The following SLC25A13 variants were observed in gnomAD, a reference collection of about 807,000 sequenced individuals.
SLC25A13 encodes solute carrier family 25 member 13.
A neutral mutation model predicts 85.5 loss-of-function variants in SLC25A13; 70 were observed. That is an observed-to-expected ratio of 0.82 (90% CI 0.68 to 1.00). The LOEUF is 1.00. Ranked by LOEUF, SLC25A13 falls within the 50% of genes least tolerant of loss-of-function variation. The pLI, the probability that SLC25A13 is intolerant of heterozygous loss-of-function variation, is 0.00. For missense variants in SLC25A13, 765 were observed against 819.8 expected, an observed-to-expected ratio of 0.93 and a Z score of 0.82; for synonymous variants, 259 against 288.7, an observed-to-expected ratio of 0.90 and a Z score of 1.04.
intron 9 of SLC25A13, among the ~76,000 whole-genome samples, chr7:96,186,385 C>T (rs145678453): frequency 0.026 from 3,978 of 152,134 alleles, 124 homozygotes; most frequent in African/African-American, 0.073. Flanking sequence ...GCCAAGATCG[C>T]GCCACTGCAC....
chr7:96,282,632 TTTA>T (rs1444249380), intron 2 of SLC25A13, among the ~76,000 whole-genome samples: 1 of 152,214 alleles, frequency 6.6e-6, no homozygotes, highest in African/African-American at 2.4e-5. Context: ...GGAGATTGTT[TTTA>T]TTATTTGAAG....
At chr7:96,148,564 A>C (rs981942438) in intron 13 of SLC25A13, among the ~76,000 whole-genome samples, 2 of 152,212 alleles carry the variant, frequency 1.3e-5, no homozygotes, top group African/African-American at 4.8e-5. Context: ...TTCATACGAA[A>C]ATCTTATGAA....
At chr7:96,207,447 A>G (rs1795503682) in intron 5 of SLC25A13, among the ~76,000 whole-genome samples, 1 of 152,196 alleles carries the variant, frequency 6.6e-6, no homozygotes, top group South Asian at 2.1e-4. Flanking sequence ...GGTCTGGAAC[A>G]CACGAAAAAG....
intron 11 of SLC25A13, among the ~76,000 whole-genome samples, chr7:96,182,913 C>G (rs1009604269): frequency 6.6e-6 from 1 of 152,298 alleles, no homozygotes; most frequent in Admixed American, 6.5e-5. Context: ...ACTTGAGACT[C>G]GAGATTTCCC....
chr7:96,144,426 A>AT (rs1792694057), intron 14 of SLC25A13, among the ~76,000 whole-genome samples: 1 of 152,226 alleles, frequency 6.6e-6, no homozygotes, highest in Admixed American at 6.5e-5. Flanking sequence ...AGGTTCCAGA[A>AT]GCTCAAAGCA....
chr7:96,166,784 T>C (rs1291595306), intron 13 of SLC25A13: 1 of 152,164 alleles, frequency 6.6e-6, no homozygotes, highest in Non-Finnish European at 1.5e-5. Flanking sequence ...AAGTGGCTAG[T>C]GGTAACAGAA....
chr7:96,263,028 A>G (rs1797916440), intron 3 of SLC25A13, among the ~76,000 whole-genome samples: 1 of 51,624 alleles, frequency 1.9e-5, no homozygotes, highest in African/African-American at 1.4e-4. Context: ...CCATCTAGGA[A>G]AAAAAAAAAA....
At chr7:96,179,393 A>G (rs1385577331) in intron 11 of SLC25A13, among the ~76,000 whole-genome samples, 1 of 152,184 alleles carries the variant, frequency 6.6e-6, no homozygotes, top group African/African-American at 2.4e-5. Context: ...CTACACGTCT[A>G]TCTTTTTGTC....
intron 4 of SLC25A13, 61 bp downstream of exon 4, chr7:96,234,741 A>C (rs975939758): frequency 1.5e-6 from 2 of 1,328,054 alleles, no homozygotes; most frequent in Non-Finnish European, 2.1e-6. Context: ...AGAAAAAAAA[A>C]AAAGAAAATG....
intron 4 of SLC25A13, among the ~76,000 whole-genome samples, chr7:96,223,671 C>A (rs1287395397): frequency 6.6e-6 from 1 of 152,026 alleles, no homozygotes; most frequent in Non-Finnish European, 1.5e-5. Flanking sequence ...GCCTGTAGTC[C>A]CGGCTACCCG....
intron 11 of SLC25A13, among the ~76,000 whole-genome samples, chr7:96,182,028 T>C (rs998235244): frequency 6.6e-6 from 1 of 152,232 alleles, no homozygotes; most frequent in African/African-American, 2.4e-5. Flanking sequence ...ATTTTTTAAA[T>C]TAACAACAAT....
intron 3 of SLC25A13, among the ~76,000 whole-genome samples, chr7:96,239,216 T>C (rs1796870700): frequency 6.7e-6 from 1 of 149,792 alleles, no homozygotes; most frequent in Non-Finnish European, 1.5e-5. Flanking sequence ...ATTATACATC[T>C]ATGCAGGAGG....
intron 13 of SLC25A13, among the ~76,000 whole-genome samples, chr7:96,164,865 T>C (rs564784608): frequency 1.5e-3 from 235 of 152,274 alleles, no homozygotes; most frequent in Admixed American, 3.6e-3. Flanking sequence ...CTTGGTGATT[T>C]GGGAATTATC....
rs776937362 is a variant in SLC25A13 at position 96,191,176 on chromosome 7, GT to G, written c.686del (p.Asn229ThrfsTer21). 1 of 1,613,908 alleles carries G rather than the reference GT, an allele frequency of 6.2e-7. No individual in the cohort carries two copies. Among genetic ancestry groups the G allele is most frequent in the Non-Finnish European group, 8.5e-7 (1 of 1,179,968 alleles). On this transcript the variant is annotated frameshift_variant, in exon 7 of 18. Coordinates refer to ENST00000265631, the MANE Select transcript of SLC25A13 (RefSeq NM_014251.3). LOFTEE classifies it high-confidence loss of function. ...YFNGFNSLLN[N>X]MELIRKIYST... ...TATAGATCTTTCTAATGAGTTCCATGTTGTTAAGGAGCGAATTAAATCCATT... is the reference window on the plus strand; with the variant it reads ...TATAGATCTTTCTAATGAGTTCCATGTGTTAAGGAGCGAATTAAATCCATT...
At chr7:96,132,873 G>A (rs1439168734) in intron 14 of SLC25A13, among the ~76,000 whole-genome samples, 1 of 152,164 alleles carries the variant, frequency 6.6e-6, no homozygotes, top group Non-Finnish European at 1.5e-5. Context: ...GGGTATTTCT[G>A]TCTGATGCTC....
chr7:96,193,311 C>T, intron 5 of SLC25A13, 128 bp from the exon 6 acceptor site: 1 of 1,061,536 alleles, frequency 9.4e-7, no homozygotes. Context: ...CCCTCATCTG[C>T]CTAATAGCAC....
At chr7:96,130,383 A>G (rs1791969800) in intron 15 of SLC25A13, among the ~76,000 whole-genome samples, 1 of 152,180 alleles carries the variant, frequency 6.6e-6, no homozygotes, top group Non-Finnish European at 1.5e-5. Flanking sequence ...CATTTACTGT[A>G]TGCTAAGAAC....
At chr7:96,161,178 T>C (rs527574226) in intron 13 of SLC25A13, among the ~76,000 whole-genome samples, 1 of 152,268 alleles carries the variant, frequency 6.6e-6, no homozygotes, top group South Asian at 2.1e-4. Flanking sequence ...CTGAATATAT[T>C]TGGGGATTAT....
chr7:96,177,983 A>T (rs1256517178), intron 11 of SLC25A13, among the ~76,000 whole-genome samples: 3 of 152,256 alleles, frequency 2.0e-5, no homozygotes, highest in East Asian at 3.9e-4. Context: ...ACTTTTCTCT[A>T]GGCCTCAGCT....
Sources: allele counts gnomAD v4.1 joint callset (sites outside exome capture counted in the v4.1 genomes callset), GRCh38; gene constraint gnomAD v4.1.1; transcripts MANE v1.5; gene names NCBI Gene and HGNC (gene_info 2026-07-23, HGNC 2026-07-21).